Variants in GRID2 observed in about 807,000 individuals in gnomAD.
GRID2 encodes the protein glutamate ionotropic receptor delta type subunit 2, also known as glutamate receptor ionotropic, delta-2.
A neutral mutation model predicts 114.8 loss-of-function variants in GRID2; 33 were observed. The ratio of observed to expected loss-of-function variants is 0.29; its 90% CI spans 0.22 to 0.38. The LOEUF (loss-of-function observed/expected upper bound fraction) is 0.38, where lower values mean the gene tolerates loss of function less well. Among genes scored for constraint, GRID2 ranks in the 10% least tolerant of loss-of-function variants. GRID2 has a pLI of 1.00. For missense variants in GRID2, 1,184 were observed against 1,257.7 expected, an observed-to-expected ratio of 0.94 and a Z score of 0.89; for synonymous variants, 505 against 449.9, an observed-to-expected ratio of 1.12 and a Z score of -1.55.
At position 93,772,296 on chromosome 4, in the gene GRID2, G is replaced by A. The variant is rs768109645; in HGVS notation, c.2822G>A (p.Ser941Asn). ...TFIPEQIQTL[S>N]RTLSAKAASG... ...ATCCCAGAGCAGATCCAGACTCTTA[G>A]CCGCACACTGTCAGCTAAAGCTGCT... Residue 941 changes from serine (S) to asparagine (N), a missense_variant, in exon 16 of 16, where the codon AGC becomes AAC. Transcript: ENST00000282020. The A allele has an allele frequency of 6.2e-7, 1 of 1,614,104 alleles. No homozygotes were observed. The highest frequency in any genetic ancestry group is 8.5e-7 in the Non-Finnish European group (1 of 1,179,988).
chr4:92,370,754 T>G (rs780560508), intron 1 of GRID2, among the ~76,000 whole-genome samples: 38 of 152,158 alleles, frequency 2.5e-4, no homozygotes, highest in Non-Finnish European at 5.1e-4. Flanking sequence ...AAATACATTT[T>G]GAGTTGATTT....
chr4:92,658,875 T>C (rs1732385513), intron 2 of GRID2, among the ~76,000 whole-genome samples: 1 of 134,938 alleles, frequency 7.4e-6, no homozygotes, highest in African/African-American at 2.6e-5. Flanking sequence ...ATTATATGTG[T>C]ATATATATAT....
intron 8 of GRID2, among the ~76,000 whole-genome samples, chr4:93,350,798 C>A (rs754840780): frequency 2.6e-5 from 4 of 151,980 alleles, no homozygotes; most frequent in Admixed American, 6.6e-5. Context: ...ATAATTGTAA[C>A]CTTAAAAATT....
At chr4:92,724,382 G>C (rs1383577366) in intron 2 of GRID2, among the ~76,000 whole-genome samples, 3 of 151,994 alleles carry the variant, frequency 2.0e-5, no homozygotes, top group Non-Finnish European at 2.9e-5. Context: ...ATACGCCTAG[G>C]TTAGCATACT....
At chr4:93,440,528 T>C (rs983869521) in intron 10 of GRID2, among the ~76,000 whole-genome samples, 33 of 152,078 alleles carry the variant, frequency 2.2e-4, no homozygotes, top group African/African-American at 7.7e-4. Flanking sequence ...TAAGAATACA[T>C]GTTTGCACGT....
At chr4:92,654,981 GTGTT>G (rs1732155774) in intron 2 of GRID2, among the ~76,000 whole-genome samples, 3 of 151,952 alleles carry the variant, frequency 2.0e-5, no homozygotes, top group Non-Finnish European at 4.4e-5. Flanking sequence ...GTCCTGAAGA[GTGTT>G]TGTTTTTTTA....
chr4:93,093,185 C>A (rs548170777), intron 3 of GRID2, among the ~76,000 whole-genome samples: 1 of 151,940 alleles, frequency 6.6e-6, no homozygotes, highest in African/African-American at 2.4e-5. Flanking sequence ...TTGCTGAATT[C>A]GAAGTGACCC....
intron 8 of GRID2, among the ~76,000 whole-genome samples, chr4:93,343,620 AG>A (rs1469946565): frequency 2.0e-5 from 3 of 152,120 alleles, no homozygotes; most frequent in African/African-American, 7.2e-5. Flanking sequence ...ATTTGTCTAC[AG>A]GTATTTATTT....
intron 14 of GRID2, among the ~76,000 whole-genome samples, chr4:93,637,456 T>G (rs962630016): frequency 2.0e-5 from 3 of 152,114 alleles, no homozygotes; most frequent in Non-Finnish European, 4.4e-5. Context: ...TTCCCACAAG[T>G]CTAAGAACAT....
At chr4:93,618,933 T>C (rs1218885263) in intron 13 of GRID2, among the ~76,000 whole-genome samples, 2 of 152,170 alleles carry the variant, frequency 1.3e-5, no homozygotes, top group Non-Finnish European at 2.9e-5. Context: ...TAGAATGCTT[T>C]TAAAAACTTT....
chr4:92,603,343 A>C (rs1419775955), intron 2 of GRID2, among the ~76,000 whole-genome samples: 2 of 152,112 alleles, frequency 1.3e-5, no homozygotes, highest in Admixed American at 6.6e-5. Context: ...CTGACAGAAA[A>C]CACACACACA....
At chr4:92,588,275 T>C (rs1191385437) in intron 1 of GRID2, among the ~76,000 whole-genome samples, 1 of 152,030 alleles carries the variant, frequency 6.6e-6, no homozygotes, top group East Asian at 1.9e-4. Flanking sequence ...AAAGACAGGT[T>C]AAGTAAAAAT....
Position 92,548,401 on chromosome 4 carries a change from A to ATTTTTTTTTTTTTTTTTTTTTTTTTTTT in GRID2, c.89-41712_89-41711insTTTTTTTTTTTTTTTTTTTTTTTTTTTT, listed in dbSNP as rs61653263. Among the ~76,000 whole-genome samples the ATTTTTTTTTTTTTTTTTTTTTTTTTTTT allele has an allele frequency of 1.9e-3, 114 of 60,790 alleles. 32 individuals carry two copies. The highest frequency in any genetic ancestry group is 4.9e-3 in the African/African-American group (58 of 11,758). The allele number at this position is 60,790 out of a possible 152,430, so 39.9% of individuals were successfully genotyped here. On this transcript the variant is annotated intron_variant, in intron 1 of 15. Transcript: ENST00000282020. ...ATGAAGACATTTCTGAGACTGTGTAATTTTTTTTTTTTTTTTTTGAGACAG... is the reference window on the plus strand; with the variant it reads ...ATGAAGACATTTCTGAGACTGTGTAATTTTTTTTTTTTTTTTTTTTTTTTTTTTTTTTTTTTTTTTTTTTTTGAGACAG...
chr4:92,736,662 C>T (rs1434654997), intron 2 of GRID2, among the ~76,000 whole-genome samples: 1 of 152,094 alleles, frequency 6.6e-6, no homozygotes, highest in Admixed American at 6.6e-5. Context: ...AATATTTACT[C>T]TTCTCTCCAT....
intron 13 of GRID2, among the ~76,000 whole-genome samples, chr4:93,581,121 G>A (rs955848534): frequency 2.4e-4 from 3 of 12,430 alleles, no homozygotes; most frequent in Admixed American, 1.2e-3. Context: ...ACAGCCCCCC[G>A]TGTGTAGTGT....
intron 13 of GRID2, among the ~76,000 whole-genome samples, chr4:93,524,326 A>G (rs200308683): frequency 6.6e-6 from 1 of 152,048 alleles, no homozygotes; most frequent in East Asian, 2.0e-4. Context: ...TCAGTACTAC[A>G]CCCTGCAGCT....
chr4:92,655,875 T>G (rs1553913171), intron 2 of GRID2, among the ~76,000 whole-genome samples: 1 of 151,756 alleles, frequency 6.6e-6, no homozygotes, highest in African/African-American at 2.4e-5. Context: ...CTTTCCTGAT[T>G]GCACTGGCTA....
intron 1 of GRID2, among the ~76,000 whole-genome samples, chr4:92,389,008 C>G (rs1730117920): frequency 6.6e-6 from 1 of 151,960 alleles, no homozygotes; most frequent in African/African-American, 2.4e-5. Context: ...GTAATGGAAA[C>G]CGGCCCTTAA....
intron 2 of GRID2, among the ~76,000 whole-genome samples, chr4:92,657,347 G>T (rs1732293840): frequency 6.6e-6 from 1 of 151,166 alleles, no homozygotes; most frequent in Non-Finnish European, 1.5e-5. Flanking sequence ...ATTTATTCTT[G>T]TTGTTTCTTA....
Sources: allele counts gnomAD v4.1 joint callset (sites outside exome capture counted in the v4.1 genomes callset), GRCh38; gene constraint gnomAD v4.1.1; transcripts MANE v1.5; gene names NCBI Gene and HGNC (gene_info 2026-07-23, HGNC 2026-07-21).